FAM3B: variants seen among roughly 807,000 people sequenced by gnomAD.
The protein encoded by FAM3B is FAM3 metabolism regulating signaling molecule B, also known as protein FAM3B.
A neutral mutation model predicts 28.4 loss-of-function variants in FAM3B; 29 were observed. The ratio of observed to expected loss-of-function variants is 1.02; its 90% confidence interval spans 0.76 to 1.39. FAM3B has a LOEUF of 1.39. FAM3B is among the 40% of genes most tolerant of loss of function. The pLI, the probability that FAM3B is intolerant of heterozygous loss-of-function variation, is 0.00. For synonymous variants in FAM3B, 91 were observed against 103.0 expected (o/e 0.88, Z 0.71); for missense variants, 266 against 293.9 (o/e 0.91, Z 0.69).
At chr21:41,344,863 C>T (rs953308111) in intron 4 of FAM3B, among the ~76,000 whole-genome samples, 2 of 152,222 alleles carry the variant, frequency 1.3e-5, no homozygotes, top group Admixed American at 1.3e-4. Context: ...CATTTGCTCC[C>T]AGAGTCCCAG....
In FAM3B at chr21:41,351,402, C is replaced by T. The variant is rs570859495; in HGVS notation, c.618+2678C>T. Reference sequence around the variant, plus strand: ...CCAAGTTACTACAGGAGTATAAAGACGAGACCTAAACACAGCAAGCAGTCA... The same window carrying T: ...CCAAGTTACTACAGGAGTATAAAGATGAGACCTAAACACAGCAAGCAGTCA... On this transcript the variant is annotated intron_variant, in intron 7 of 7. Coordinates refer to ENST00000357985, the MANE Select transcript of FAM3B (RefSeq NM_058186.4). Among the ~76,000 whole-genome samples the T allele has an allele frequency of 4.6e-5, 7 of 152,254 alleles. 1 individual carries two copies. The South Asian group carries it at 1.4e-3, about 32-fold the overall frequency.
chr21:41,348,855 G>A (rs775088849), intron 7 of FAM3B, 131 bp downstream of exon 7: 3 of 998,114 alleles, frequency 3.0e-6, no homozygotes, highest in Non-Finnish European at 3.0e-6. Context: ...CATGAGATCA[G>A]CATTAGATCC....
At chr21:41,328,331 G>A (rs1412865902) in intron 2 of FAM3B, among the ~76,000 whole-genome samples, 1 of 152,080 alleles carries the variant, frequency 6.6e-6, no homozygotes, top group East Asian at 1.9e-4. Context: ...TATATTCAAC[G>A]TGTTTTCAGG....
Position 41,311,251 on chromosome 21 carries a change from A to T in FAM3B, n.99+6941A>T, listed in dbSNP as rs7279598. Among the ~76,000 whole-genome samples the T allele has an allele frequency of 8.3e-3, 289 of 34,870 alleles. 4 individuals are homozygous for T. The highest frequency in any genetic ancestry group is 0.011 in the South Asian group (7 of 664). The allele number at this position is 34,870 out of a possible 152,430, so 22.9% of individuals were successfully genotyped here. On this transcript the variant is annotated intron_variant and non_coding_transcript_variant, in intron 1 of 9. Transcript: ENST00000479810. ...CCTGTCTCTACAAAAAAAAAAAAAA[A>T]ATATATATATATATATATATATATA...
intron 7 of FAM3B, among the ~76,000 whole-genome samples, chr21:41,349,796 G>A (rs1171041240): frequency 6.6e-6 from 1 of 152,162 alleles, no homozygotes; most frequent in Non-Finnish European, 1.5e-5. Context: ...TCATGTTCCG[G>A]AGGCCCGGAA....
intron 3 of FAM3B, among the ~76,000 whole-genome samples, chr21:41,344,003 C>A (rs1385406567): frequency 6.6e-6 from 1 of 152,126 alleles, no homozygotes; most frequent in Admixed American, 6.5e-5. Flanking sequence ...GCTTGTACTT[C>A]CAGCTACTTG....
intron 7 of FAM3B, among the ~76,000 whole-genome samples, chr21:41,354,294 T>C (rs914050065): frequency 2.0e-5 from 3 of 152,212 alleles, no homozygotes; most frequent in African/African-American, 4.8e-5. Context: ...GGAATATTCC[T>C]AACAAATTAT....
chr21:41,351,955 G>A (rs1167993403), intron 7 of FAM3B, among the ~76,000 whole-genome samples: 3 of 152,176 alleles, frequency 2.0e-5, no homozygotes, highest in Non-Finnish European at 4.4e-5. Flanking sequence ...GCACTTCATA[G>A]GCCTGCGCCT....
chr21:41,316,720 G>A (rs545578413), upstream of FAM3B: 363 of 561,926 alleles, frequency 6.5e-4, no homozygotes, highest in African/African-American at 6.7e-3. Flanking sequence ...CACCTGCCGG[G>A]TCCGCACCTG....
rs61423023 is a variant in FAM3B at position 41,352,820 on chromosome 21, T to TAAATAAATAAACAAAC, written c.618+4103_618+4104insTAAACAAACAAATAAA. ...AAAAATAAATAAATAAATAAATAAA[T>TAAATAAATAAACAAAC]AAATAAAGGAAGAAGTAAAACTATT... On this transcript the variant is annotated intron_variant, in intron 7 of 7. Transcript: ENST00000357985. 8.2e-3 allele frequency among the ~76,000 whole-genome samples: 1,232 copies of TAAATAAATAAACAAAC among 150,106 alleles called. 13 individuals carry two copies. The highest frequency in any genetic ancestry group is 0.026 in the African/African-American group (1,063 of 40,390).
chr21:41,338,631 G>A, intron 3 of FAM3B, 130 bp downstream of exon 3: 1 of 1,242,630 alleles, frequency 8.0e-7, no homozygotes, highest in Admixed American at 2.7e-5. Context: ...AAAAGGCTGA[G>A]AGCATCCAAG....
At chr21:41,330,439 C>G (rs539279311) in intron 2 of FAM3B, among the ~76,000 whole-genome samples, 43 of 152,346 alleles carry the variant, frequency 2.8e-4, no homozygotes, top group African/African-American at 9.9e-4. Context: ...CACTCGGCAT[C>G]TTGGAATGTA....
intron 3 of FAM3B, among the ~76,000 whole-genome samples, chr21:41,340,156 T>C (rs2088992197): frequency 6.7e-6 from 1 of 148,378 alleles, no homozygotes; most frequent in African/African-American, 2.5e-5. Flanking sequence ...AGTTGTCTTT[T>C]TTTTTTTTTT....
At chr21:41,348,535 T>C in intron 6 of FAM3B, 57 bp from the exon 7 acceptor site, 1 of 1,595,062 alleles carries the variant, frequency 6.3e-7, no homozygotes, top group East Asian at 2.2e-5. Context: ...AGAGCAGAGT[T>C]CCTCTCCTCT....
intron 2 of FAM3B, among the ~76,000 whole-genome samples, chr21:41,329,733 C>T (rs891239284): frequency 1.3e-5 from 2 of 152,104 alleles, no homozygotes; most frequent in African/African-American, 4.8e-5. Context: ...CCTCACCTGG[C>T]TAATTTTTGT....
chr21:41,347,207 G>A (rs946970347), intron 6 of FAM3B, 107 bp downstream of exon 6: 13 of 882,700 alleles, frequency 1.5e-5, no homozygotes, highest in Non-Finnish European at 2.5e-5. Context: ...GAAAGTCCAG[G>A]AGCAAAGTAC....
chr21:41,328,885 A>C (rs78925364), intron 2 of FAM3B, among the ~76,000 whole-genome samples: 4,139 of 152,218 alleles, frequency 0.027, 74 homozygotes, highest in Non-Finnish European at 0.04. Flanking sequence ...TCACCAAAAA[A>C]ACCCAGACCA....
rs537579172 is a variant in FAM3B, at chr21:41,338,028, T to C, written c.164-350T>C. On this transcript the variant is annotated intron_variant, in intron 2 of 7. Coordinates refer to ENST00000357985, the MANE Select transcript of FAM3B (RefSeq NM_058186.4). ...GATGGCTGTCTTTGCTCACCAGCTC[T>C]CTTAGACCCCTGTAATCTTTCTTTT... Among the ~76,000 whole-genome samples the C allele has an allele frequency of 2.6e-5, 4 of 152,210 alleles. No individual in the cohort carries two copies. In the East Asian group the frequency reaches 7.7e-4, roughly 29 times the overall value.
intron 2 of FAM3B, among the ~76,000 whole-genome samples, chr21:41,324,204 C>A (rs2088836017): frequency 6.6e-6 from 1 of 152,160 alleles, no homozygotes; most frequent in African/African-American, 2.4e-5. Context: ...CAGAGACAGA[C>A]CTGTCAGAGA....
Sources: gnomAD v4.1 joint callset for allele counts (sites outside exome capture counted in the v4.1 genomes callset) on GRCh38, gnomAD v4.1.1 for gene constraint, MANE v1.5 for transcripts, NCBI Gene and HGNC (gene_info 2026-07-23, HGNC 2026-07-21) for gene names.